TEX9: variants seen among roughly 807,000 people sequenced by gnomAD.
TEX9 encodes the protein testis expressed 9.
In TEX9, 74 loss-of-function variants were observed where a neutral mutation model predicts 59.6. That is an observed-to-expected ratio of 1.24 (90% CI 1.03 to 1.51). The LOEUF is 1.51. Among genes scored for constraint, TEX9 ranks in the 40% most tolerant of loss-of-function variants. TEX9 has a pLI of 0.00. For synonymous variants in TEX9, 186 were observed against 152.2 expected, an observed-to-expected ratio of 1.22 and a Z score of -1.64; for missense variants, 522 against 447.8, an observed-to-expected ratio of 1.17 and a Z score of -1.49.
intron 10 of TEX9, among the ~76,000 whole-genome samples, chr15:56,414,854 C>G (rs891296479): frequency 1.5e-4 from 23 of 151,994 alleles, no homozygotes; most frequent in Admixed American, 8.5e-4. Flanking sequence ...TTTACACTCC[C>G]ACCAAGTGTA....
At chr15:56,309,778 G>C (rs1251257390) in intron 1 of TEX9, among the ~76,000 whole-genome samples, 1 of 127,022 alleles carries the variant, frequency 7.9e-6, no homozygotes, top group Non-Finnish European at 1.6e-5. Context: ...GAAAAGAGCT[G>C]AACTACATTC....
At chr15:56,393,003 C>G (rs1298797520) in intron 7 of TEX9, among the ~76,000 whole-genome samples, 1 of 152,066 alleles carries the variant, frequency 6.6e-6, no homozygotes, top group African/African-American at 2.4e-5. Flanking sequence ...AATTTGGGAG[C>G]ACAGATTACT....
chr15:56,423,301 T>A (rs1567139437), intron 10 of TEX9, among the ~76,000 whole-genome samples: 1 of 152,190 alleles, frequency 6.6e-6, no homozygotes, highest in Non-Finnish European at 1.5e-5. Flanking sequence ...CTCATGATAT[T>A]TTCCAATTTG....
chr15:56,361,850 C>T (rs146794647), upstream of TEX9, among the ~76,000 whole-genome samples: 1 of 152,210 alleles, frequency 6.6e-6, no homozygotes, highest in Non-Finnish European at 1.5e-5. Flanking sequence ...TGACAGCCAC[C>T]ATAGAAGCTA....
At chr15:56,413,548 C>T (rs1157490560) in intron 10 of TEX9, among the ~76,000 whole-genome samples, 1 of 151,008 alleles carries the variant, frequency 6.6e-6, no homozygotes, top group Non-Finnish European at 1.5e-5. Flanking sequence ...AAGCCACTCC[C>T]CATTTCCACC....
In TEX9 at chr15:56,315,453, G is replaced by T. The variant is rs1223055915; in HGVS notation, c.-106-57988G>T. Among the ~76,000 whole-genome samples the T allele has an allele frequency of 9.2e-3, 1,366 of 149,126 alleles. 19 individuals carry two copies. Among genetic ancestry groups the T allele is most frequent in the African/African-American group, 0.032 (1,291 of 40,652 alleles). Reference sequence around the variant, plus strand: ...ATGAAATTCTGGGTTGAAAATTCTTGTCTTTAAGAATGTTGAATATTGGCC... The same window carrying T: ...ATGAAATTCTGGGTTGAAAATTCTTTTCTTTAAGAATGTTGAATATTGGCC... On this transcript the variant is annotated intron_variant, in intron 1 of 5. Coordinates refer to the TEX9 transcript ENST00000560827.
At chr15:56,326,028 G>T (rs146036483) in intron 1 of TEX9, among the ~76,000 whole-genome samples, 10 of 152,286 alleles carry the variant, frequency 6.6e-5, no homozygotes, top group African/African-American at 2.2e-4. Flanking sequence ...TTGGTAGCCA[G>T]ATAGTTTGAT....
At chr15:56,258,611 G>T (rs563486202) in intron 1 of TEX9, among the ~76,000 whole-genome samples, 1 of 152,082 alleles carries the variant, frequency 6.6e-6, no homozygotes, top group Admixed American at 6.6e-5. Context: ...GTTTAGGAAT[G>T]CTAGCGATTT....
Position 56,395,027 on chromosome 15 carries a change from A to G in TEX9, c.828+193A>G, listed in dbSNP as rs368806944. 203 of 599,240 alleles carry G rather than the reference A, an allele frequency of 3.4e-4. 1 individual carries two copies. Among genetic ancestry groups the G allele is most frequent in the African/African-American group, 2.1e-3 (112 of 53,032 alleles). 37.1% of individuals were successfully genotyped at this position (599,240 alleles called of 1,614,324 possible). On this transcript the variant is annotated intron_variant, in intron 9 of 12. Coordinates refer to ENST00000352903, the Ensembl canonical transcript of TEX9. ...TCACCCTTTTAAAGTATGCAATTCAATGGCTTTTGGTGTATTCATAGAATT... is the reference window on the plus strand; with the variant it reads ...TCACCCTTTTAAAGTATGCAATTCAGTGGCTTTTGGTGTATTCATAGAATT...
chr15:56,456,922 AT>A, the TEX9 span, among the ~76,000 whole-genome samples: 1 of 152,248 alleles, frequency 6.6e-6, no homozygotes, highest in Non-Finnish European at 1.5e-5. Context: ...CCTGATCAGA[AT>A]TTTTAAAAAT....
rs185467614 is a variant in TEX9, at chr15:56,297,306, A to G, written c.-107+53028A>G. Among the ~76,000 whole-genome samples, 103 of 152,336 alleles carry G rather than the reference A, an allele frequency of 6.8e-4. 1 individual carries two copies. The highest frequency in any genetic ancestry group is 2.3e-3 in the African/African-American group (97 of 41,576). ...AGGGCGTCTCTTAAGTACTGGTAAGAAATACAAATATATGATATATAAAAA... is the reference window on the plus strand; with the variant it reads ...AGGGCGTCTCTTAAGTACTGGTAAGGAATACAAATATATGATATATAAAAA... On this transcript the variant is annotated intron_variant, in intron 1 of 5. Transcript: ENST00000560827.
At chr15:56,251,350 T>C (rs76764783) in intron 1 of TEX9, among the ~76,000 whole-genome samples, 2,060 of 152,288 alleles carry the variant, frequency 0.014, 51 homozygotes, top group African/African-American at 0.045. Context: ...CTGGCTCTGT[T>C]GATGTAAGCT....
chr15:56,400,546 G>T lies in TEX9; in HGVS notation c.828+5712G>T, dbSNP rs376526071. ...AAAGTGATGGGGAGAATGGAACCAA[G>T]TTGGAAAACACTCTTCAGGATATTT... On this transcript the variant is annotated intron_variant, in intron 9 of 12. Coordinates refer to ENST00000352903, the Ensembl canonical transcript of TEX9. Among the ~76,000 whole-genome samples, 473 of 152,314 alleles carry T rather than the reference G, an allele frequency of 3.1e-3. 2 individuals carry two copies. The highest frequency in any genetic ancestry group is 0.011 in the African/African-American group (453 of 41,562).
intron 12 of TEX9, among the ~76,000 whole-genome samples, chr15:56,433,124 A>G (rs1207181476): frequency 6.6e-6 from 1 of 152,076 alleles, no homozygotes; most frequent in Non-Finnish European, 1.5e-5. Context: ...ACAAAATAGA[A>G]TTATTTGCAC....
chr15:56,334,341 C>G (rs994368491), intron 1 of TEX9, among the ~76,000 whole-genome samples: 1 of 151,990 alleles, frequency 6.6e-6, no homozygotes, highest in South Asian at 2.1e-4. Flanking sequence ...GTAGAGAGCC[C>G]GGAAATAAGT....
chr15:56,443,520 T>C, intron 12 of TEX9: 1 of 1,595,482 alleles, frequency 6.3e-7, no homozygotes, highest in Non-Finnish European at 8.5e-7. Flanking sequence ...GCAGCATTTC[T>C]TCTAATTTCT....
chr15:56,293,177 G>GA (rs1245954437), intron 1 of TEX9, among the ~76,000 whole-genome samples: 39 of 147,934 alleles, frequency 2.6e-4, no homozygotes, highest in Middle Eastern at 3.4e-3. Context: ...TCTACAATAT[G>GA]AAAAAAAAAA....
intron 1 of TEX9, among the ~76,000 whole-genome samples, chr15:56,316,758 G>A (rs1228221161): frequency 2.2e-4 from 33 of 152,286 alleles, no homozygotes; most frequent in African/African-American, 7.2e-4. Context: ...CCTCGCTGTC[G>A]CCTTGCAGTT....
At chr15:56,256,400 A>G (rs2044145639) in intron 1 of TEX9, among the ~76,000 whole-genome samples, 1 of 152,124 alleles carries the variant, frequency 6.6e-6, no homozygotes. Context: ...ATCAAAATCT[A>G]CATATACTCA....
Sources: allele counts gnomAD v4.1 joint callset (sites outside exome capture counted in the v4.1 genomes callset), GRCh38; gene constraint gnomAD v4.1.1; transcripts MANE v1.5; gene names NCBI Gene and HGNC (gene_info 2026-07-23, HGNC 2026-07-21).